Variants in CENPK observed in about 807,000 individuals in gnomAD.
CENPK encodes SoxLZ/Sox6-binding protein Solt.
CENPK carries 46 observed loss-of-function variants against 40.9 expected under a neutral mutation model. That is an observed-to-expected ratio of 1.13 (90% CI 0.89 to 1.44). The LOEUF (loss-of-function observed/expected upper bound fraction) is 1.44, where lower values mean the gene tolerates loss of function less well. CENPK is among the 40% of genes most tolerant of loss of function. The pLI, the probability that CENPK is intolerant of heterozygous loss-of-function variation, is 0.00. For synonymous variants in CENPK, 107 were observed against 104.4 expected, an observed-to-expected ratio of 1.02 and a Z score of -0.15; for missense variants, 288 against 303.5, an observed-to-expected ratio of 0.95 and a Z score of 0.38.
chr5:65,514,227 AATC>A (rs1266824608), downstream of CENPK, among the ~76,000 whole-genome samples: 8 of 95,562 alleles, frequency 8.4e-5, no homozygotes, highest in African/African-American at 3.0e-4. Context: ...GGCCTCACAT[AATC>A]TTTTTTTTTT....
intron 6 of CENPK, among the ~76,000 whole-genome samples, chr5:65,530,011 G>C (rs1220722860): frequency 1.3e-5 from 2 of 150,812 alleles, no homozygotes; most frequent in African/African-American, 2.4e-5. Flanking sequence ...CACCATATTG[G>C]CCAGGCTGGT....
intron 9 of CENPK, among the ~76,000 whole-genome samples, chr5:65,524,314 G>T (rs1438243157): frequency 2.6e-5 from 4 of 151,720 alleles, no homozygotes; most frequent in Non-Finnish European, 4.4e-5. Flanking sequence ...GAACCCGGGA[G>T]GTGGAGCTTA....
Position 65,552,627 on chromosome 5 carries a change from A to G in CENPK, c.112-78T>C, listed in dbSNP as rs546250029. The stretch of plus-strand genomic sequence containing the variant: ...TTCCCTTCCCCTCTCCTTTTCTACC[A>G]GGCCAATATAACACTCTTCTAAAGC... On this transcript the variant is annotated intron_variant, in intron 3 of 10. Coordinates refer to ENST00000396679, the MANE Select transcript of CENPK (RefSeq NM_022145.5). 2,769 of 772,762 alleles carry G rather than the reference A, an allele frequency of 3.6e-3. 19 individuals are homozygous for G. The highest frequency in any genetic ancestry group is 0.013 in the South Asian group (764 of 57,672). 47.9% of individuals were successfully genotyped at this position (772,762 alleles called of 1,614,324 possible). A position where few individuals can be genotyped will look rare whatever the true frequency, so the allele number is the denominator to read the frequency against.
At chr5:65,562,602 T>C (rs1425329807) in intron 1 of CENPK, among the ~76,000 whole-genome samples, 1 of 152,190 alleles carries the variant, frequency 6.6e-6, no homozygotes, top group African/African-American at 2.4e-5. Context: ...TAATACATTT[T>C]ATGTTATGTG....
At chr5:65,527,067 A>G (rs1041442096) in intron 9 of CENPK, among the ~76,000 whole-genome samples, 1 of 152,108 alleles carries the variant, frequency 6.6e-6, no homozygotes, top group African/African-American at 2.4e-5. Flanking sequence ...ATTGCACTCC[A>G]GCCTGGGTGA....
intron 2 of CENPK, 137 bp downstream of exon 2, chr5:65,561,326 C>A: frequency 8.2e-6 from 2 of 242,600 alleles, no homozygotes; most frequent in South Asian, 4.4e-5. Context: ...TATCAATATG[C>A]AAAAGTAATG....
At chr5:65,528,425 T>C (rs1422033352) in intron 9 of CENPK, 27 bp downstream of exon 9, 1 of 1,564,110 alleles carries the variant, frequency 6.4e-7, no homozygotes, top group Admixed American at 2.1e-5. Flanking sequence ...TATGATAATT[T>C]ACATAAATGT....
In CENPK at chr5:65,529,164, C is replaced by T; in HGVS notation, c.324G>A (p.Leu108=). The T allele has an allele frequency of 6.2e-7, 1 of 1,610,736 alleles. No individual in the cohort carries two copies. The highest frequency in any genetic ancestry group is 1.7e-5 in the Admixed American group (1 of 59,744). ...TTTCATTCTTTGACTCCTTAGTGGA[C>T]AGTACCATTTCAAGATCTTGTCTCA... ...QKLRQDLEMV[L]STKESKNEKL... The change falls in exon 7 of 11, where the codon CTG becomes CTA. Residue 108 remains leucine (L), a synonymous_variant. Coordinates refer to ENST00000396679, the MANE Select transcript of CENPK (RefSeq NM_022145.5).
intron 6 of CENPK, among the ~76,000 whole-genome samples, chr5:65,535,791 G>A (rs569185691): frequency 1.3e-5 from 2 of 152,282 alleles, no homozygotes; most frequent in African/African-American, 4.8e-5. Flanking sequence ...ACAAATCATT[G>A]CACCTGAGGG....
intron 3 of CENPK, among the ~76,000 whole-genome samples, chr5:65,552,756 C>A (rs1750311899): frequency 6.7e-6 from 1 of 149,362 alleles, no homozygotes. Flanking sequence ...TAAAAAGAGA[C>A]ACTAGAATGA....
At chr5:65,508,701 A>G in the CENPK span, among the ~76,000 whole-genome samples, 91,051 of 150,460 alleles carry the variant, frequency 0.61, 28,224 homozygotes, top group East Asian at 0.79. Context: ...TGGGAGAATC[A>G]CTTGAACCTG....
At chr5:65,521,412 G>A in intron 10 of CENPK, 63 bp downstream of exon 10, 1 of 1,252,108 alleles carries the variant, frequency 8.0e-7, no homozygotes, top group South Asian at 1.3e-5. Flanking sequence ...TCAAGTCTGA[G>A]TATAATTGTT....
Position 65,517,790 on chromosome 5 carries a change from T to G in CENPK, c.*685A>C, listed in dbSNP as rs1464857841. 2 of 152,106 alleles carry G rather than the reference T, an allele frequency of 1.3e-5. No individual in the cohort carries two copies. Among genetic ancestry groups the G allele is most frequent in the African/African-American group, 4.8e-5 (2 of 41,454 alleles). 9.4% of individuals were successfully genotyped at this position (152,106 alleles called of 1,614,324 possible). Reference sequence around the variant, plus strand: ...CTAGAGATTTTCAGAAATAATTTTATTTACAGAAAATTCACAGAGGATTAA... The same window carrying G: ...CTAGAGATTTTCAGAAATAATTTTAGTTACAGAAAATTCACAGAGGATTAA... On this transcript the variant is annotated 3_prime_UTR_variant, in exon 11 of 11. Coordinates refer to ENST00000396679, the MANE Select transcript of CENPK (RefSeq NM_022145.5).
At chr5:65,515,953 G>C (rs774874519), downstream of CENPK, among the ~76,000 whole-genome samples, 16 of 152,128 alleles carry the variant, frequency 1.1e-4, no homozygotes, top group Non-Finnish European at 2.4e-4. Context: ...CAATTTCTGG[G>C]GAAGGCTCTC....
chr5:65,500,509 TG>T, the CENPK span, among the ~76,000 whole-genome samples: 893 of 151,666 alleles, frequency 5.9e-3, 7 homozygotes, highest in African/African-American at 0.021. Context: ...CACTTTTTGA[TG>T]GGGTTGTTTG....
intron 5 of CENPK, chr5:65,550,432 G>A (rs1749766025): frequency 6.6e-6 from 1 of 152,218 alleles, no homozygotes; most frequent in Non-Finnish European, 1.5e-5. Flanking sequence ...CAAGGAGAGG[G>A]AGAGAGATGG....
chr5:65,527,967 C>G (rs1243499718), intron 9 of CENPK, among the ~76,000 whole-genome samples: 20 of 152,140 alleles, frequency 1.3e-4, no homozygotes, highest in Admixed American at 1.3e-3. Flanking sequence ...GTGGCTCACA[C>G]CTGTAATCCT....
intron 6 of CENPK, among the ~76,000 whole-genome samples, chr5:65,533,706 T>C (rs530901170): frequency 5.3e-5 from 8 of 152,200 alleles, no homozygotes; most frequent in African/African-American, 7.2e-5. Flanking sequence ...AAAATCAATA[T>C]ATACATATTA....
At chr5:65,554,256 C>T (rs899928053) in intron 3 of CENPK, among the ~76,000 whole-genome samples, 1 of 151,898 alleles carries the variant, frequency 6.6e-6, no homozygotes, top group Non-Finnish European at 1.5e-5. Flanking sequence ...ATTCTCCTGT[C>T]TCAGCCTGTC....
Sources: allele counts gnomAD v4.1 joint callset (sites outside exome capture counted in the v4.1 genomes callset), GRCh38; gene constraint gnomAD v4.1.1; transcripts MANE v1.5; gene names NCBI Gene and HGNC (gene_info 2026-07-23, HGNC 2026-07-21).